Variants in CYP4F3 observed in about 807,000 individuals in gnomAD.
The protein encoded by CYP4F3 is cytochrome P450 family 4 subfamily F member 3, also known as cytochrome P450 4F3.
In CYP4F3, 50 loss-of-function variants were observed where a neutral mutation model predicts 54.8. The observed-to-expected ratio is 0.91, with a 90% CI of 0.73 to 1.16. The LOEUF is 1.16. Ranked by LOEUF, CYP4F3 falls within the 50% of genes most tolerant of loss-of-function variation. The pLI is 0.00. For missense variants in CYP4F3, 715 were observed against 676.2 expected (o/e 1.06, Z -0.64); for synonymous variants, 244 against 262.6 (o/e 0.93, Z 0.69).
Position 15,659,629 on chromosome 19 carries a change from C to T in CYP4F3, c.*244C>T. Reference sequence around the variant, plus strand: ...ATATATTACCAGATGAAAGGATAAACAAAATATGGTCCATCCATACAATGG... The same window carrying T: ...ATATATTACCAGATGAAAGGATAAATAAAATATGGTCCATCCATACAATGG... On this transcript the variant is annotated 3_prime_UTR_variant, in exon 13 of 13. Coordinates refer to ENST00000221307, the MANE Select transcript of CYP4F3 (RefSeq NM_000896.3). The T allele has an allele frequency of 1.6e-6, 1 of 609,912 alleles. No homozygotes were observed. Among genetic ancestry groups the T allele is most frequent in the Non-Finnish European group, 2.8e-6 (1 of 361,594 alleles). The allele number at this position is 609,912 out of a possible 1,614,324, so 37.8% of individuals were successfully genotyped here.
intron 5 of CYP4F3, among the ~76,000 whole-genome samples, chr19:15,648,826 C>T (rs920934321): frequency 2.0e-5 from 3 of 152,176 alleles, no homozygotes; most frequent in Non-Finnish European, 2.9e-5. Flanking sequence ...GAGTTTCTAA[C>T]ATGAATTATA....
At chr19:15,642,739 G>C (rs1038202872) in intron 2 of CYP4F3, among the ~76,000 whole-genome samples, 6 of 152,352 alleles carry the variant, frequency 3.9e-5, no homozygotes, top group South Asian at 2.1e-4. Context: ...TAGACAGATA[G>C]ATAGGTAATA....
At chr19:15,658,419 G>A (rs748362409) in intron 10 of CYP4F3, 22 bp downstream of exon 10, 1 of 1,613,664 alleles carries the variant, frequency 6.2e-7, no homozygotes, top group Non-Finnish European at 8.5e-7. Flanking sequence ...TCAGGGGGAG[G>A]AGCCTCCTGG....
At position 15,662,277 on chromosome 19, in the gene CYP4F3, A is replaced by AAAAAAAAAAAAAAAAAAAAAG. The variant is rs1973198878; in HGVS notation, c.*2907_*2908insAAAAAGAAAAAAAAAAAAAAA. 1 of 145,264 alleles carries AAAAAAAAAAAAAAAAAAAAAG rather than the reference A, an allele frequency of 6.9e-6. No homozygotes were observed. Among genetic ancestry groups the AAAAAAAAAAAAAAAAAAAAAG allele is most frequent in the African/African-American group, 2.5e-5 (1 of 39,450 alleles). The allele number at this position is 145,264 out of a possible 1,614,324, so 9.0% of individuals were successfully genotyped here. A position where few individuals can be genotyped will look rare whatever the true frequency, so the allele number is the denominator to read the frequency against. ...AAGAGCTAGATTCTCTCTCTCAAAA[A>AAAAAAAAAAAAAAAAAAAAAG]AAAAAAAAAAAAAAAGGAAAGAAAG... On this transcript the variant is annotated 3_prime_UTR_variant, in exon 13 of 13. Transcript: ENST00000221307.
intron 3 of CYP4F3, 52 bp downstream of exon 3, chr19:15,645,915 C>T: frequency 6.6e-7 from 1 of 1,518,720 alleles, no homozygotes; most frequent in Non-Finnish European, 8.9e-7. Context: ...CCACGCCTTG[C>T]CCACAGCTGG....
rs1973174423 is a variant in CYP4F3 at position 15,661,177 on chromosome 19, A to T, written c.*1792A>T. 6.6e-6 allele frequency: 1 copy of T among 151,928 alleles called. No homozygotes were observed. Among genetic ancestry groups the T allele is most frequent in the Non-Finnish European group, 1.5e-5 (1 of 68,000 alleles). 9.4% of individuals were successfully genotyped at this position (151,928 alleles called of 1,614,324 possible). A position where few individuals can be genotyped will look rare whatever the true frequency, so the allele number is the denominator to read the frequency against. ...CTCGGGAGGCTGATGCGGGAGAATC[A>T]CTTGAAACCCACAGGCGGAGGTTGC... is the stretch of plus-strand genomic sequence containing the variant. On this transcript the variant is annotated 3_prime_UTR_variant, in exon 13 of 13. Coordinates refer to ENST00000221307, the MANE Select transcript of CYP4F3 (RefSeq NM_000896.3).
intron 9 of CYP4F3, among the ~76,000 whole-genome samples, chr19:15,654,203 C>T (rs2683050): frequency 0.21 from 31,645 of 152,010 alleles, 3,603 homozygotes; most frequent in Middle Eastern, 0.27. Context: ...TTTTATGCTT[C>T]TAAAATAAAG....
At chr19:15,657,856 T>C (rs1973068805) in intron 9 of CYP4F3, among the ~76,000 whole-genome samples, 1 of 152,206 alleles carries the variant, frequency 6.6e-6, no homozygotes, top group African/African-American at 2.4e-5. Flanking sequence ...GAATGTGTAT[T>C]AAGATTGATT....
intron 3 of CYP4F3, 75 bp downstream of exon 3, chr19:15,645,938 G>T: frequency 1.4e-6 from 2 of 1,474,786 alleles, no homozygotes; most frequent in African/African-American, 1.4e-5. Context: ...TCTCTGTGCT[G>T]CCTCCAGCGG....
chr19:15,650,238 G>A, intron 7 of CYP4F3, 55 bp downstream of exon 7: 1 of 1,614,088 alleles, frequency 6.2e-7, no homozygotes, highest in Non-Finnish European at 8.5e-7. Flanking sequence ...CATGTGAAAT[G>A]TCAGATGAAA....
chr19:15,645,492 G>A (rs1169768533), intron 2 of CYP4F3, among the ~76,000 whole-genome samples: 2 of 152,172 alleles, frequency 1.3e-5, no homozygotes, highest in African/African-American at 2.4e-5. Context: ...CAGGGAACAT[G>A]GTGTGTGGAT....
chr19:15,653,134 C>T (rs1972909397), intron 9 of CYP4F3, among the ~76,000 whole-genome samples, 182 bp downstream of exon 9: 1 of 152,116 alleles, frequency 6.6e-6, no homozygotes, highest in Non-Finnish European at 1.5e-5. Flanking sequence ...GTTATAGGCC[C>T]TTAGGACAGA....
In CYP4F3 at chr19:15,659,581, A is replaced by G. The variant is rs368939994; in HGVS notation, c.*196A>G. On this transcript the variant is annotated 3_prime_UTR_variant, in exon 13 of 13. Transcript: ENST00000221307. ...ATGGCAGCCCTATTCACAGTAGCCA[A>G]ACGATGAAAACAACCCCAAGCTATA... The G allele has an allele frequency of 3.9e-6, 4 of 1,021,492 alleles. No homozygotes were observed. Among genetic ancestry groups the G allele is most frequent in the South Asian group, 3.8e-5 (2 of 53,230 alleles). The allele number at this position is 1,021,492 out of a possible 1,614,324, so 63.3% of individuals were successfully genotyped here. A position where few individuals can be genotyped will look rare whatever the true frequency, so the allele number is the denominator to read the frequency against.
chr19:15,650,660 T>TTTTCTTTTTCTTTCTTTCTTTC (rs1555742388), intron 7 of CYP4F3, among the ~76,000 whole-genome samples: 3 of 35,610 alleles, frequency 8.4e-5, no homozygotes, highest in Admixed American at 3.2e-4. Flanking sequence ...CCTGCCTTCT[T>TTTTCTTTTTCTTTCTTTCTTTC]TTTCTTTCTT....
At chr19:15,654,613 T>C (rs534001754) in intron 9 of CYP4F3, among the ~76,000 whole-genome samples, 2 of 152,352 alleles carry the variant, frequency 1.3e-5, no homozygotes, top group Non-Finnish European at 2.9e-5. Flanking sequence ...GCGATATTTG[T>C]CTTTCTGTTT....
At position 15,662,554 on chromosome 19, in the gene CYP4F3, C is replaced by T. The variant is rs1274614915; in HGVS notation, c.*3169C>T. ...CTTTGTGTTTCTATGTAAATTTTAT[C>T]ATCAGTGTGTCTATTTCTACAAATA... On this transcript the variant is annotated 3_prime_UTR_variant, in exon 13 of 13. Transcript: ENST00000221307. 6.6e-6 allele frequency: 1 copy of T among 152,052 alleles called. No individual in the cohort carries two copies. Among genetic ancestry groups the T allele is most frequent in the African/African-American group, 2.4e-5 (1 of 41,360 alleles). The allele number at this position is 152,052 out of a possible 1,614,324, so 9.4% of individuals were successfully genotyped here.
rs1973183999 is a variant in CYP4F3 at position 15,661,514 on chromosome 19, C to T, written c.*2129C>T. 6.6e-6 allele frequency: 1 copy of T among 152,166 alleles called. No individual in the cohort carries two copies. The highest frequency in any genetic ancestry group is 2.1e-4 in the South Asian group (1 of 4,824). 9.4% of individuals were successfully genotyped at this position (152,166 alleles called of 1,614,324 possible). A position where few individuals can be genotyped will look rare whatever the true frequency, so the allele number is the denominator to read the frequency against. On this transcript the variant is annotated 3_prime_UTR_variant, in exon 13 of 13. Coordinates refer to ENST00000221307, the MANE Select transcript of CYP4F3 (RefSeq NM_000896.3). ...TTTTCCAGTGACTAAGGGTGTTGAACCACTCGTGCCTTCCTGTGCCTATTT... is the reference window on the plus strand; with the variant it reads ...TTTTCCAGTGACTAAGGGTGTTGAATCACTCGTGCCTTCCTGTGCCTATTT...
intron 9 of CYP4F3, among the ~76,000 whole-genome samples, chr19:15,656,756 CT>C (rs1163352100): frequency 1.2e-3 from 115 of 98,054 alleles, no homozygotes; most frequent in Admixed American, 1.4e-3. Context: ...ATCTATCTAT[CT>C]ATCTATCTAT....
intron 2 of CYP4F3, among the ~76,000 whole-genome samples, chr19:15,645,282 G>T (rs1007179293): frequency 6.6e-6 from 1 of 152,158 alleles, no homozygotes; most frequent in Non-Finnish European, 1.5e-5. Context: ...GTTTCTGATT[G>T]CCTAGTCTCG....
Sources: allele counts gnomAD v4.1 joint callset (sites outside exome capture counted in the v4.1 genomes callset), GRCh38; gene constraint gnomAD v4.1.1; transcripts MANE v1.5; gene names NCBI Gene and HGNC (gene_info 2026-07-23, HGNC 2026-07-21).